BMPER: variants seen among roughly 807,000 people sequenced by gnomAD.
The protein encoded by BMPER is BMP binding endothelial regulator.
A neutral mutation model predicts 87.3 loss-of-function variants in BMPER; 45 were observed. The observed-to-expected ratio is 0.52, with a 90% CI of 0.41 to 0.66. BMPER has a LOEUF of 0.66. Among genes scored for constraint, BMPER ranks in the 30% least tolerant of loss-of-function variants. The pLI is 0.00. For missense variants in BMPER, 784 were observed against 867.5 expected (o/e 0.90, Z 1.21); for synonymous variants, 326 against 316.2 (o/e 1.03, Z -0.33).
intron 13 of BMPER, among the ~76,000 whole-genome samples, chr7:34,129,614 G>GAGAGAGAA: frequency 2.0e-5 from 1 of 48,852 alleles, no homozygotes; most frequent in African/African-American, 8.4e-5. Flanking sequence ...GAGAGAAAGA[G>GAGAGAGAA]AGAGAGAGAG....
intron 12 of BMPER, among the ~76,000 whole-genome samples, chr7:34,084,001 T>TAAA (rs57825100): frequency 6.5e-5 from 8 of 122,746 alleles, no homozygotes; most frequent in Admixed American, 3.4e-4. Context: ...AGGAAAGATT[T>TAAA]AAAAAAAAAA....
At chr7:34,085,488 T>C (rs1227720208) in intron 12 of BMPER, among the ~76,000 whole-genome samples, 1 of 152,214 alleles carries the variant, frequency 6.6e-6, no homozygotes, top group African/African-American at 2.4e-5. Flanking sequence ...GATAGTCATC[T>C]GTAGGTCAAA....
intron 2 of BMPER, among the ~76,000 whole-genome samples, chr7:33,936,242 A>G (rs930151816): frequency 1.3e-5 from 2 of 152,132 alleles, no homozygotes; most frequent in African/African-American, 4.8e-5. Context: ...GGTTCATTTC[A>G]AGGTGAGCAG....
chr7:33,905,505 C>T (rs537668655), upstream of BMPER: 3 of 1,394,948 alleles, frequency 2.2e-6, no homozygotes, highest in South Asian at 2.4e-5. Flanking sequence ...CCTTCGCGGA[C>T]GGTCTCCCGA....
intron 3 of BMPER, among the ~76,000 whole-genome samples, chr7:33,956,669 C>T (rs778717472): frequency 4.6e-5 from 7 of 152,122 alleles, no homozygotes; most frequent in Admixed American, 2.6e-4. Context: ...AGGATGAAGA[C>T]GTGTGTGATT....
intron 2 of BMPER, 40 bp downstream of exon 2, chr7:33,906,943 C>T (rs754462244): frequency 6.6e-6 from 10 of 1,515,324 alleles, no homozygotes; most frequent in Non-Finnish European, 7.3e-6. Context: ...CAACTGCTCT[C>T]TCTGATAAGG....
chr7:34,047,810 T>TTCCTTCCTTCCTTCCTTCCTTC (rs1304068233), intron 7 of BMPER, among the ~76,000 whole-genome samples: 4 of 74,624 alleles, frequency 5.4e-5, no homozygotes, highest in African/African-American at 1.1e-4. Context: ...TTCCTTCCTT[T>TTCCTTCCTTCCTTCCTTCCTTC]CTTCCTCACT....
intron 13 of BMPER, among the ~76,000 whole-genome samples, chr7:34,124,382 C>T (rs1251108645): frequency 6.6e-6 from 1 of 151,412 alleles, no homozygotes; most frequent in African/African-American, 2.4e-5. Context: ...TACCTTAGCC[C>T]AGAAAATATC....
At chr7:34,148,110 C>G (rs75575388) in intron 14 of BMPER, among the ~76,000 whole-genome samples, 8,300 of 152,208 alleles carry the variant, frequency 0.055, 541 homozygotes, top group African/African-American at 0.16. Flanking sequence ...GTCCATGTCT[C>G]TAACCCACCA....
At chr7:34,111,795 C>A (rs1489193514) in intron 13 of BMPER, among the ~76,000 whole-genome samples, 1 of 152,140 alleles carries the variant, frequency 6.6e-6, no homozygotes, top group Non-Finnish European at 1.5e-5. Context: ...CTCACTGCAA[C>A]CTCTGCCCCC....
chr7:34,051,674 C>G (rs1044769187), intron 7 of BMPER, among the ~76,000 whole-genome samples, 187 bp from the exon 8 acceptor site: 5 of 152,136 alleles, frequency 3.3e-5, no homozygotes, highest in African/African-American at 1.2e-4. Context: ...TCTTTTTTAA[C>G]AAACTTTATC....
chr7:34,057,948 C>T (rs577746573), intron 9 of BMPER, 111 bp from the exon 10 acceptor site: 13 of 846,846 alleles, frequency 1.5e-5, no homozygotes, highest in African/African-American at 3.3e-5. Flanking sequence ...CTAATGATGG[C>T]GTCCCTCACT....
intron 3 of BMPER, among the ~76,000 whole-genome samples, chr7:33,942,902 G>A (rs763274791): frequency 6.6e-6 from 1 of 152,146 alleles, no homozygotes; most frequent in Non-Finnish European, 1.5e-5. Flanking sequence ...AATGCTTATT[G>A]GAAATCTATT....
chr7:33,905,396 C>G (rs867225992), upstream of BMPER: 125 of 433,812 alleles, frequency 2.9e-4, 1 homozygote, highest in African/African-American at 2.6e-3. Context: ...GGAGCCTGGC[C>G]GCAGGACCCC....
intron 3 of BMPER, 61 bp downstream of exon 3, chr7:33,937,449 T>G (rs1210139664): frequency 1.3e-6 from 2 of 1,531,080 alleles, no homozygotes. Flanking sequence ...TTATTTCTCT[T>G]TCTCTCACCT....
rs116276757 is a variant in BMPER at position 34,023,052 on chromosome 7, T to C, written c.577-23254T>C. Among the ~76,000 whole-genome samples the C allele has an allele frequency of 2.4e-3, 372 of 152,176 alleles. 2 individuals are homozygous for C. The highest frequency in any genetic ancestry group is 8.4e-3 in the African/African-American group (351 of 41,562). On this transcript the variant is annotated intron_variant, in intron 6 of 14. Transcript: ENST00000649409. ...AGAACCTGAAGAATCTTGGGCTCCATTGTACTCGAGAAACATCTTCTCATG... is the reference window on the plus strand; with the variant it reads ...AGAACCTGAAGAATCTTGGGCTCCACTGTACTCGAGAAACATCTTCTCATG...
intron 13 of BMPER, among the ~76,000 whole-genome samples, chr7:34,092,188 G>C (rs150187959): frequency 1.5e-3 from 234 of 152,292 alleles, no homozygotes; most frequent in African/African-American, 4.2e-3. Context: ...AGAGTGAGTA[G>C]AGTCTTTGGT....
chr7:33,935,069 C>T (rs905665499), intron 2 of BMPER, among the ~76,000 whole-genome samples: 3 of 152,194 alleles, frequency 2.0e-5, no homozygotes, highest in African/African-American at 7.2e-5. Context: ...AAAAATATGT[C>T]TCTTTATTTT....
At chr7:33,910,281 T>C (rs544208805) in intron 2 of BMPER, among the ~76,000 whole-genome samples, 1 of 152,354 alleles carries the variant, frequency 6.6e-6, no homozygotes, top group African/African-American at 2.4e-5. Flanking sequence ...ATTTTCCCAC[T>C]TTCTTGCTAG....
Sources: gnomAD v4.1 joint callset for allele counts (sites outside exome capture counted in the v4.1 genomes callset) on GRCh38, gnomAD v4.1.1 for gene constraint, MANE v1.5 for transcripts, NCBI Gene and HGNC (gene_info 2026-07-23, HGNC 2026-07-21) for gene names.